Variants in ACACA observed in about 807,000 individuals in gnomAD.
The protein encoded by ACACA is acetyl-CoA carboxylase 1.
A neutral mutation model predicts 296.1 loss-of-function variants in ACACA; 103 were observed. The observed-to-expected ratio is 0.35, with a 90% CI of 0.30 to 0.41. The LOEUF (loss-of-function observed/expected upper bound fraction) is 0.41. ACACA is among the 10% of genes least tolerant of loss of function. ACACA has a pLI of 1.00. For synonymous variants in ACACA, 953 were observed against 1,038.6 expected, an observed-to-expected ratio of 0.92 and a Z score of 1.58; for missense variants, 1,554 against 2,989.7, an observed-to-expected ratio of 0.52 and a Z score of 11.20.
intron 54 of ACACA, 96 bp downstream of exon 54, chr17:37,096,900 C>G (rs2073027084): frequency 6.9e-7 from 1 of 1,457,322 alleles, no homozygotes; most frequent in Non-Finnish European, 9.6e-7. Flanking sequence ...TACTCCTGCC[C>G]TTAGAGGCCT....
At chr17:37,158,222 CATTT>C (rs2076327982) in intron 42 of ACACA, among the ~76,000 whole-genome samples, 3 of 152,134 alleles carry the variant, frequency 2.0e-5, no homozygotes, top group African/African-American at 7.2e-5. Context: ...TTTAGGCAGA[CATTT>C]AGGCAGATGT....
intron 29 of ACACA, among the ~76,000 whole-genome samples, chr17:37,215,809 T>C (rs183578880): frequency 2.0e-4 from 31 of 151,416 alleles, no homozygotes; most frequent in Admixed American, 6.6e-4. Context: ...TAAGACTCAC[T>C]AGGGAAAGAA....
chr17:37,183,157 G>A (rs763850909), intron 39 of ACACA, among the ~76,000 whole-genome samples: 2 of 152,156 alleles, frequency 1.3e-5, no homozygotes, highest in African/African-American at 2.4e-5. Context: ...TACATTTCTC[G>A]TCTGTTAAGA....
chr17:37,397,844 A>G (rs529097470), intron 1 of ACACA, among the ~76,000 whole-genome samples: 18 of 152,144 alleles, frequency 1.2e-4, no homozygotes, highest in African/African-American at 4.3e-4. Flanking sequence ...GTAATTGAGG[A>G]ACTTTCACTG....
chr17:37,258,453 A>G, intron 12 of ACACA, 80 bp from the exon 13 acceptor site: 9 of 1,416,164 alleles, frequency 6.4e-6, no homozygotes, highest in Non-Finnish European at 8.9e-6. Context: ...AACCTAAAAT[A>G]TTTTTATTTT....
intron 45 of ACACA, chr17:37,140,918 C>G (rs910028165): frequency 6.3e-6 from 2 of 318,294 alleles, no homozygotes. Flanking sequence ...CGCACCAGCA[C>G]AGAGCCACAG....
At chr17:37,371,612 G>A (rs1050961331) in intron 1 of ACACA, among the ~76,000 whole-genome samples, 5 of 151,616 alleles carry the variant, frequency 3.3e-5, no homozygotes, top group South Asian at 2.1e-4. Flanking sequence ...ATTAAAAAAC[G>A]GCCGCGGCCA....
chr17:37,237,005 T>A (rs986149527), intron 24 of ACACA, among the ~76,000 whole-genome samples: 3 of 152,192 alleles, frequency 2.0e-5, no homozygotes, highest in African/African-American at 4.8e-5. Flanking sequence ...TGCGTACCCC[T>A]CCTCAGAAAC....
At chr17:37,099,514 C>CTG (rs2073204077) in intron 52 of ACACA, among the ~76,000 whole-genome samples, 3 of 78,400 alleles carry the variant, frequency 3.8e-5, no homozygotes, top group Admixed American at 1.5e-4. Flanking sequence ...GGGCTGATAG[C>CTG]AGGAGGGCTG....
At chr17:37,398,241 A>AAG (rs1290430561) in intron 1 of ACACA, among the ~76,000 whole-genome samples, 1 of 140,244 alleles carries the variant, frequency 7.1e-6, no homozygotes, top group African/African-American at 2.6e-5. Flanking sequence ...AAAAAAAAAA[A>AAG]AAAACAGTTT....
intron 46 of ACACA, 124 bp from the exon 47 acceptor site, chr17:37,129,609 A>G (rs1333701405): frequency 7.7e-6 from 10 of 1,297,654 alleles, no homozygotes; most frequent in Admixed American, 1.9e-5. Flanking sequence ...AATAGTCCCA[A>G]TCTTCAGCTG....
intron 30 of ACACA, among the ~76,000 whole-genome samples, chr17:37,209,240 A>C (rs556535369): frequency 6.6e-6 from 1 of 152,220 alleles, no homozygotes; most frequent in East Asian, 1.9e-4. Context: ...TCAGAGTTGT[A>C]TTACCACAGA....
At chr17:37,129,966 A>T (rs915365881) in intron 46 of ACACA, 109 bp downstream of exon 46, 37 of 1,430,796 alleles carry the variant, frequency 2.6e-5, no homozygotes, top group Admixed American at 2.2e-4. Context: ...AATATTTTAT[A>T]AAAAAATTCC....
Position 37,111,571 on chromosome 17 carries a change from A to C in ACACA, c.6525T>G (p.Arg2175=). The C allele has an allele frequency of 6.2e-7, 1 of 1,614,158 alleles. No individual in the cohort carries two copies. The highest frequency in any genetic ancestry group is 8.5e-7 in the Non-Finnish European group (1 of 1,180,014). Residue 2175 remains arginine (R), a synonymous_variant, in exon 52 of 56, where the codon CGT becomes CGG. Transcript: ENST00000616317. ...AGTGGATGTAGACTGGGTCCACCCGACGCATGGTTTTCACCAGATCCTTTC... is the reference window on the plus strand; with the variant it reads ...AGTGGATGTAGACTGGGTCCACCCGCCGCATGGTTTTCACCAGATCCTTTC... ...FRRKDLVKTM[R]RVDPVYIHLA...
At chr17:37,211,622 T>C (rs1161399926) in intron 29 of ACACA, among the ~76,000 whole-genome samples, 1 of 152,090 alleles carries the variant, frequency 6.6e-6, no homozygotes, top group African/African-American at 2.4e-5. Flanking sequence ...CAGAACATAG[T>C]GGGTGGTGCT....
intron 43 of ACACA, among the ~76,000 whole-genome samples, chr17:37,151,762 C>T (rs938645463): frequency 6.6e-6 from 1 of 152,066 alleles, no homozygotes; most frequent in African/African-American, 2.4e-5. Context: ...CCCGGGTTCA[C>T]GCCATTCTCC....
chr17:37,264,941 T>C (rs2081684917), intron 10 of ACACA, among the ~76,000 whole-genome samples: 1 of 152,220 alleles, frequency 6.6e-6, no homozygotes, highest in Admixed American at 6.5e-5. Flanking sequence ...TTGAGTGGGG[T>C]AGAATGGTCT....
At position 37,205,749 on chromosome 17, in the gene ACACA, C is replaced by G. The variant is rs777413730; in HGVS notation, c.4056+16G>C. On this transcript the variant is annotated intron_variant, in intron 33 of 55. Transcript: ENST00000616317. ...GAAAGGGGACATCACGAGCTTCCACCCAATCAAGAACTTACATTTTGCTGG... is the reference window on the plus strand; with the variant it reads ...GAAAGGGGACATCACGAGCTTCCACGCAATCAAGAACTTACATTTTGCTGG... The G allele has an allele frequency of 3.1e-5, 50 of 1,601,928 alleles. No individual in the cohort carries two copies. Among genetic ancestry groups the G allele is most frequent in the Non-Finnish European group, 4.1e-5 (48 of 1,169,674 alleles).
intron 1 of ACACA, among the ~76,000 whole-genome samples, chr17:37,350,644 A>C (rs2048856154): frequency 6.6e-6 from 1 of 152,180 alleles, no homozygotes; most frequent in African/African-American, 2.4e-5. Flanking sequence ...GTTTGAGAAC[A>C]GCCTGACCAA....
Sources: gnomAD v4.1 joint callset for allele counts (sites outside exome capture counted in the v4.1 genomes callset) on GRCh38, gnomAD v4.1.1 for gene constraint, MANE v1.5 for transcripts, NCBI Gene and HGNC (gene_info 2026-07-23, HGNC 2026-07-21) for gene names.